The following SLC9D1 variants were observed in gnomAD, a reference collection of about 807,000 sequenced individuals.
The protein encoded by SLC9D1 is solute carrier family 9 member D1.
the SLC9D1 span, chr13:113,498,740 C>T: frequency 2.5e-6 from 1 of 401,888 alleles, no homozygotes; most frequent in Non-Finnish European, 4.4e-6. Context: ...GTCAGTTCCC[C>T]TCCTCAGCAG....
At chr13:113,520,548 G>A in the SLC9D1 span, 1 of 1,035,574 alleles carries the variant, frequency 9.7e-7, no homozygotes, top group Non-Finnish European at 1.5e-6. Flanking sequence ...TGTGTACAAT[G>A]GCAATATTTT....
chr13:113,533,146 TGAAGGACGCTGCCTCCCTCCTG>T, the SLC9D1 span, among the ~76,000 whole-genome samples: 107 of 117,268 alleles, frequency 9.1e-4, 9 homozygotes, highest in Middle Eastern at 4.3e-3. Flanking sequence ...CAGCGAGCTC[TGAAGGACGCTGCCTCCCTCCTG>T]AAGTTGCAGA....
the SLC9D1 span, among the ~76,000 whole-genome samples, chr13:113,538,203 G>A: frequency 6.8e-5 from 10 of 146,444 alleles, no homozygotes; most frequent in Non-Finnish European, 1.3e-4. Flanking sequence ...ACGTGTGTGT[G>A]GCATGTGTGC....
At chr13:113,510,316 T>C in the SLC9D1 span, 148 of 1,614,146 alleles carry the variant, frequency 9.2e-5, 1 homozygote, top group Non-Finnish European at 1.2e-4. Flanking sequence ...GGGGCATCTC[T>C]TGCGGATCAA....
the SLC9D1 span, among the ~76,000 whole-genome samples, chr13:113,521,709 G>T: frequency 3.9e-5 from 6 of 152,218 alleles, no homozygotes; most frequent in African/African-American, 1.4e-4. Flanking sequence ...AGCCAAATGG[G>T]AAGAATTAAT....
the SLC9D1 span, among the ~76,000 whole-genome samples, chr13:113,525,427 G>A: frequency 6.6e-6 from 1 of 151,596 alleles, no homozygotes; most frequent in African/African-American, 2.4e-5. Flanking sequence ...ATAAATCACT[G>A]TTACTGGTTT....
the SLC9D1 span, among the ~76,000 whole-genome samples, chr13:113,546,903 C>T: frequency 1.1e-4 from 16 of 152,322 alleles, no homozygotes; most frequent in African/African-American, 2.9e-4. The surrounding 1 kb of genome is among the most constrained non-coding windows in gnomAD (Gnocchi z 7.1). Flanking sequence ...TGACCACAGG[C>T]GTCCTGTGAG....
chr13:113,533,959 TAAAG>T, the SLC9D1 span: 1 of 1,045,994 alleles, frequency 9.6e-7, no homozygotes, highest in Non-Finnish European at 1.4e-6. Context: ...TGTAGCATGT[TAAAG>T]AAAAAAACTG....
At chr13:113,496,051 AGAGAGG>A in the SLC9D1 span, 6 of 1,514,230 alleles carry the variant, frequency 4.0e-6, no homozygotes, top group African/African-American at 1.4e-5. Flanking sequence ...GGAGAGAGAG[AGAGAGG>A]GAGAGGGAGA....
chr13:113,495,058 T>TA, the SLC9D1 span, among the ~76,000 whole-genome samples: 1 of 152,186 alleles, frequency 6.6e-6, no homozygotes, highest in African/African-American at 2.4e-5. Flanking sequence ...TTCACCATGT[T>TA]AACCAGGCTG....
chr13:113,532,530 G>A, the SLC9D1 span, among the ~76,000 whole-genome samples: 1 of 152,150 alleles, frequency 6.6e-6, no homozygotes, highest in Non-Finnish European at 1.5e-5. Context: ...CCTCTGTGTG[G>A]AGAGCAGATG....
the SLC9D1 span, among the ~76,000 whole-genome samples, chr13:113,500,600 A>G: frequency 1.3e-5 from 2 of 152,188 alleles, no homozygotes; most frequent in African/African-American, 4.8e-5. Flanking sequence ...TCCTCCCAGG[A>G]ACTTGGTCTA....
At chr13:113,494,463 ACACCACGGCTACAGCCG>A in the SLC9D1 span, among the ~76,000 whole-genome samples, 8 of 152,050 alleles carry the variant, frequency 5.3e-5, no homozygotes, top group Non-Finnish European at 1.0e-4. Context: ...CACCACCTGG[ACACCACGGCTACAGCCG>A]CACTGAAACC....
the SLC9D1 span, chr13:113,504,208 C>A: frequency 6.6e-6 from 1 of 152,140 alleles, no homozygotes; most frequent in Non-Finnish European, 1.5e-5. Flanking sequence ...AACTGTACAC[C>A]CTTTCTGTAT....
chr13:113,508,118 C>A, the SLC9D1 span, among the ~76,000 whole-genome samples: 197 of 152,368 alleles, frequency 1.3e-3, 1 homozygote, highest in African/African-American at 4.5e-3. Context: ...GGACACCTTT[C>A]TCCCAGGGCC....
At chr13:113,536,379 C>A in the SLC9D1 span, 1 of 185,976 alleles carries the variant, frequency 5.4e-6, no homozygotes, top group Non-Finnish European at 1.0e-5. Context: ...AGTAAATTAA[C>A]AAAAATTGTT....
the SLC9D1 span, chr13:113,501,664 C>G: frequency 4.9e-6 from 5 of 1,028,970 alleles, no homozygotes; most frequent in Non-Finnish European, 7.2e-6. Flanking sequence ...AATCGGGGAA[C>G]TACGTCCTGT....
At chr13:113,538,858 G>A in the SLC9D1 span, among the ~76,000 whole-genome samples, 5 of 152,322 alleles carry the variant, frequency 3.3e-5, no homozygotes, top group South Asian at 6.2e-4. Flanking sequence ...TCCGGCCGGC[G>A]CGCTGATGTG....
At chr13:113,544,333 G>A in the SLC9D1 span, among the ~76,000 whole-genome samples, 1 of 152,222 alleles carries the variant, frequency 6.6e-6, no homozygotes, top group Non-Finnish European at 1.5e-5. Flanking sequence ...AGGAAGGGCT[G>A]CTGCGCCGAA....
Sources: allele counts gnomAD v4.1 joint callset (sites outside exome capture counted in the v4.1 genomes callset), GRCh38; gene constraint gnomAD v4.1.1; non-coding constraint Gnocchi (gnomAD v3.1); transcripts MANE v1.5; gene names NCBI Gene and HGNC (gene_info 2026-07-23, HGNC 2026-07-21).